The following TRA2B variants were observed in gnomAD, a reference collection of about 807,000 sequenced individuals.
TRA2B encodes the protein transformer 2 beta homolog, also known as transformer-2 protein homolog beta.
In TRA2B, 14 loss-of-function variants were observed where a neutral mutation model predicts 41.7. That is an observed-to-expected ratio of 0.34 (90% confidence interval 0.22 to 0.53). The LOEUF is 0.53. Among genes scored for constraint, TRA2B ranks in the 20% least tolerant of loss-of-function variants. The probability of loss-of-function intolerance (pLI) is 0.95; values close to 1 mark genes in which losing one functional copy is unlikely to be tolerated. For synonymous variants in TRA2B, 130 were observed against 128.8 expected, an observed-to-expected ratio of 1.01 and a Z score of -0.06; for missense variants, 167 against 396.8, an observed-to-expected ratio of 0.42 and a Z score of 4.92.
intron 1 of TRA2B, among the ~76,000 whole-genome samples, chr3:185,932,180 G>A (rs936562579): frequency 1.3e-5 from 2 of 152,054 alleles, no homozygotes; most frequent in East Asian, 1.9e-4. Context: ...TAGAAAATAG[G>A]TTAAGTGTCA....
chr3:185,936,791 T>C (rs1378267942), intron 1 of TRA2B: 6 of 985,364 alleles, frequency 6.1e-6, no homozygotes, highest in Non-Finnish European at 7.2e-6. Context: ...GCCTCGTATG[T>C]TCGCATCATT....
Position 185,926,681 on chromosome 3 carries a change from T to C in TRA2B, c.90A>G (p.Ala30=), listed in dbSNP as rs1560011683. 1 of 1,614,150 alleles carries C rather than the reference T, an allele frequency of 6.2e-7. No individual in the cohort carries two copies. Residue 30 remains alanine, a synonymous_variant, in exon 2 of 9, where the codon GCA becomes GCG. Coordinates refer to ENST00000453386, the MANE Select transcript of TRA2B (RefSeq NM_004593.3). ...AGCGAGACCTTGCAGGGGTATGCCT[T>C]GCAGATTTCCCCGATCCGTGAGCAC... is the stretch of plus-strand genomic sequence containing the variant. ...SGSAHGSGKS[A]RHTPARSRSK...
At chr3:185,936,103 T>C in intron 1 of TRA2B, 1 of 985,462 alleles carries the variant, frequency 1.0e-6, no homozygotes, top group Non-Finnish European at 1.2e-6. Flanking sequence ...CAATTTTCCA[T>C]TCTCAAGCAT....
chr3:185,925,451 T>C lies in TRA2B; in HGVS notation c.333+13A>G. 2 of 1,610,004 alleles carry C rather than the reference T, an allele frequency of 1.2e-6. No homozygotes were observed. The highest frequency in any genetic ancestry group is 1.1e-5 in the South Asian group (1 of 90,186). On this transcript the variant is annotated intron_variant, in intron 3 of 8. Coordinates refer to ENST00000453386, the MANE Select transcript of TRA2B (RefSeq NM_004593.3). ...AGGCAGTTGACTGCTTCAAAACCAG[T>C]TTTTCATCTTACCCGATTCCCAACA... is the stretch of plus-strand genomic sequence containing the variant.
At chr3:185,928,850 CT>C (rs1211771579) in intron 1 of TRA2B, 1 of 152,200 alleles carries the variant, frequency 6.6e-6, no homozygotes, top group Non-Finnish European at 1.5e-5. Context: ...TCAAGATCCT[CT>C]TTAAGCTCCT....
intron 1 of TRA2B, chr3:185,937,540 A>G (rs1744413403): frequency 1.0e-6 from 1 of 1,001,736 alleles, no homozygotes; most frequent in Admixed American, 4.3e-5. Context: ...CACCGCGGGG[A>G]CGCAGCGGCC....
chr3:185,937,175 G>C, intron 1 of TRA2B: 3 of 985,626 alleles, frequency 3.0e-6, no homozygotes, highest in Non-Finnish European at 3.6e-6. Context: ...CAAACACAAA[G>C]CCCTCACGCA....
intron 1 of TRA2B, chr3:185,937,515 G>T: frequency 9.6e-7 from 1 of 1,039,180 alleles, no homozygotes; most frequent in Non-Finnish European, 1.2e-6. Flanking sequence ...ATAAGATATC[G>T]CTCCCCTCCC....
At chr3:185,921,742 C>T (rs1369093596) in intron 5 of TRA2B, among the ~76,000 whole-genome samples, 2 of 152,038 alleles carry the variant, frequency 1.3e-5, no homozygotes, top group African/African-American at 2.4e-5. Flanking sequence ...CCAGCCTGGG[C>T]GACAGAGCAA....
intron 1 of TRA2B, among the ~76,000 whole-genome samples, chr3:185,933,329 T>C (rs1010041462): frequency 1.3e-5 from 2 of 152,222 alleles, no homozygotes; most frequent in African/African-American, 4.8e-5. Flanking sequence ...TACTAAATTA[T>C]TATAAATATT....
In TRA2B at chr3:185,937,151, C is replaced by G. The variant is rs1009943718; in HGVS notation, c.36+674G>C. 4.1e-6 allele frequency: 4 copies of G among 985,336 alleles called. No homozygotes were observed. In the African/African-American group the frequency reaches 7.0e-5, roughly 17 times the overall value. 61.0% of individuals were successfully genotyped at this position (985,336 alleles called of 1,614,324 possible). ...AAGCCCTTTCGGCATCAGAGAAAAG[C>G]GCTTCATTTAGGCCAAACACAAAGC... On this transcript the variant is annotated intron_variant, in intron 1 of 8. Coordinates refer to ENST00000453386, the MANE Select transcript of TRA2B (RefSeq NM_004593.3).
chr3:185,935,073 G>A, intron 1 of TRA2B: 1 of 985,386 alleles, frequency 1.0e-6, no homozygotes, highest in Non-Finnish European at 1.2e-6. Context: ...TATACGCTGT[G>A]ACCATTATTG....
At chr3:185,921,780 A>G (rs548931321) in intron 5 of TRA2B, among the ~76,000 whole-genome samples, 2 of 152,298 alleles carry the variant, frequency 1.3e-5, no homozygotes, top group South Asian at 4.1e-4. Context: ...AAACAAAAAC[A>G]AAACCAAACA....
intron 1 of TRA2B, chr3:185,936,418 A>C (rs901297244): frequency 3.0e-6 from 3 of 985,384 alleles, no homozygotes; most frequent in Non-Finnish European, 1.2e-6. Flanking sequence ...AAACATCAAA[A>C]ACTAAAAACT....
chr3:185,937,027 TTC>T (rs1260991253), intron 1 of TRA2B: 1 of 985,280 alleles, frequency 1.0e-6, no homozygotes, highest in Non-Finnish European at 1.2e-6. Flanking sequence ...GCCCGCCAAT[TTC>T]TCCTTCACAA....
intron 1 of TRA2B, among the ~76,000 whole-genome samples, chr3:185,929,803 G>A (rs923137833): frequency 2.6e-5 from 4 of 152,108 alleles, no homozygotes; most frequent in African/African-American, 9.7e-5. Flanking sequence ...TATCATACTA[G>A]TTAAGTCTGA....
intron 1 of TRA2B, chr3:185,936,855 T>C: frequency 3.0e-6 from 3 of 985,346 alleles, no homozygotes; most frequent in Non-Finnish European, 3.6e-6. Context: ...ACGTATGCTG[T>C]TTAAACCCTA....
At chr3:185,921,453 G>A (rs1007534298) in intron 5 of TRA2B, among the ~76,000 whole-genome samples, 2 of 152,134 alleles carry the variant, frequency 1.3e-5, no homozygotes, top group Admixed American at 1.3e-4. Context: ...AACAAAAATA[G>A]TATCACTTTG....
chr3:185,922,174 A>G (rs755155907), intron 4 of TRA2B, 48 bp from the exon 5 acceptor site: 1 of 1,383,658 alleles, frequency 7.2e-7, no homozygotes, highest in Non-Finnish European at 1.0e-6. Context: ...CAAAGCCACT[A>G]ATTATCCTGT....
Sources: allele counts gnomAD v4.1 joint callset (sites outside exome capture counted in the v4.1 genomes callset), GRCh38; gene constraint gnomAD v4.1.1; transcripts MANE v1.5; gene names NCBI Gene and HGNC (gene_info 2026-07-23, HGNC 2026-07-21).